Variants in CSNK1G1 observed in about 807,000 individuals in gnomAD.
The protein encoded by CSNK1G1 is casein kinase 1 gamma 1, also known as casein kinase I isoform gamma-1.
In CSNK1G1, 22 loss-of-function variants were observed where a neutral mutation model predicts 59.6. That is an observed-to-expected ratio of 0.37 (90% CI 0.26 to 0.53). The LOEUF (loss-of-function observed/expected upper bound fraction) is 0.53. Among genes scored for constraint, CSNK1G1 ranks in the 20% least tolerant of loss-of-function variants. The pLI is 0.89. For missense variants in CSNK1G1, 384 were observed against 519.5 expected (o/e 0.74, Z 2.54); for synonymous variants, 179 against 177.1 (o/e 1.01, Z -0.08).
At chr15:64,229,939 T>TTTTTTTTTTTTTTTTTTA in intron 4 of CSNK1G1, among the ~76,000 whole-genome samples, 1 of 121,544 alleles carries the variant, frequency 8.2e-6, no homozygotes, top group East Asian at 2.3e-4. Flanking sequence ...TTTTTTTTTT[T>TTTTTTTTTTTTTTTTTTA]AAGACAGAAT....
At position 64,216,787 on chromosome 15, in the gene CSNK1G1, C is replaced by A. The variant is rs2082317228; in HGVS notation, c.293-74G>T. 13 of 1,307,676 alleles carry A rather than the reference C, an allele frequency of 9.9e-6. No individual in the cohort carries two copies. Among genetic ancestry groups the A allele is most frequent in the South Asian group, 1.4e-5 (1 of 71,090 alleles). 81.0% of individuals were successfully genotyped at this position (1,307,676 alleles called of 1,614,324 possible). On this transcript the variant is annotated intron_variant, in intron 4 of 11. Transcript: ENST00000303052. The surrounding 1 kb of genome is among the most constrained non-coding windows in gnomAD (Gnocchi z 4.6). Reference sequence around the variant, plus strand: ...AAAATATGAGATAACAGTATTAGCACTGAATAAAATATTTTTAAAAGTACA... The same window carrying A: ...AAAATATGAGATAACAGTATTAGCAATGAATAAAATATTTTTAAAAGTACA...
rs553614661 is a variant in CSNK1G1, at chr15:64,166,338, GTTTATC to G, written c.*5587_*5592del. On this transcript the variant is annotated 3_prime_UTR_variant, in exon 12 of 12. Transcript: ENST00000303052. This position sits in a 1 kb window ranked among gnomAD's most constrained non-coding sequence, Gnocchi z 4.5. ...TTCCATTGGGGGGTATATATTTTTGGTTTATCTTTATCTTTTCTGCTGTTATTTTTT... is the reference window on the plus strand; with the variant it reads ...TTCCATTGGGGGGTATATATTTTTGGTTTATCTTTTCTGCTGTTATTTTTT... 24 of 246,082 alleles carry G rather than the reference GTTTATC, an allele frequency of 9.8e-5. 1 individual carries two copies. Among genetic ancestry groups the G allele is most frequent in the Middle Eastern group, 1.3e-3 (1 of 800 alleles). 15.2% of individuals were successfully genotyped at this position (246,082 alleles called of 1,614,324 possible).
At chr15:64,321,157 A>G (rs1363409181) in intron 1 of CSNK1G1, among the ~76,000 whole-genome samples, 1 of 152,166 alleles carries the variant, frequency 6.6e-6, no homozygotes, top group African/African-American at 2.4e-5. Flanking sequence ...TTCAAATGCA[A>G]AAAATAACAA....
In CSNK1G1 at chr15:64,330,654, T is replaced by C. The variant is rs556605151; in HGVS notation, c.-225+25334A>G. Among the ~76,000 whole-genome samples the C allele has an allele frequency of 3.8e-4, 34 of 89,756 alleles. 1 individual carries two copies. The South Asian group carries it at 0.014, about 38-fold the overall frequency. 58.9% of individuals were successfully genotyped at this position (89,756 alleles called of 152,430 possible). On this transcript the variant is annotated intron_variant, in intron 1 of 11. Coordinates refer to ENST00000303052, the MANE Select transcript of CSNK1G1 (RefSeq NM_022048.5). ...CCTCTCTCACTGCTCCTATTCAACA[T>C]AGTGTTGGAAGTTCTGGCCAGGGCA...
At chr15:64,209,755 C>A (rs940547012) in intron 6 of CSNK1G1, among the ~76,000 whole-genome samples, 17 of 148,542 alleles carry the variant, frequency 1.1e-4, no homozygotes, top group African/African-American at 4.2e-4. Flanking sequence ...AGGCCTCCCA[C>A]AAAGCAGGGC....
intron 10 of CSNK1G1, among the ~76,000 whole-genome samples, chr15:64,191,420 T>C (rs990784014): frequency 6.6e-6 from 1 of 152,148 alleles, no homozygotes; most frequent in African/African-American, 2.4e-5. Flanking sequence ...TCATGTATAC[T>C]CATGGGCTTT....
intron 4 of CSNK1G1, among the ~76,000 whole-genome samples, chr15:64,219,890 C>T (rs1336881931): frequency 7.9e-5 from 12 of 151,314 alleles, no homozygotes; most frequent in East Asian, 3.9e-4. Context: ...TCTCGTGCCT[C>T]GGCCTCCCAA....
At chr15:64,246,838 G>A (rs1396861934) in intron 4 of CSNK1G1, among the ~76,000 whole-genome samples, 5 of 151,956 alleles carry the variant, frequency 3.3e-5, no homozygotes, top group African/African-American at 4.8e-5. Flanking sequence ...TTATCCTGCC[G>A]TTTACCTACC....
intron 1 of CSNK1G1, among the ~76,000 whole-genome samples, chr15:64,305,715 C>CAAAAAAA (rs1895648191): frequency 9.3e-6 from 1 of 107,626 alleles, no homozygotes; most frequent in Non-Finnish European, 2.0e-5. Context: ...AAAACAAAAA[C>CAAAAAAA]AAAAACAAAA....
chr15:64,220,649 AT>A (rs1281888826), intron 4 of CSNK1G1, among the ~76,000 whole-genome samples: 1 of 151,716 alleles, frequency 6.6e-6, no homozygotes, highest in Non-Finnish European at 1.5e-5. Flanking sequence ...GACTCAGCTA[AT>A]TTTGTTTTTA....
chr15:64,292,691 G>A (rs946123351), intron 2 of CSNK1G1, among the ~76,000 whole-genome samples: 4 of 152,140 alleles, frequency 2.6e-5, no homozygotes, highest in South Asian at 4.1e-4. Flanking sequence ...TTGGGAGGCC[G>A]AGGTGGCTGG....
At chr15:64,291,437 A>C (rs1056856061) in intron 2 of CSNK1G1, among the ~76,000 whole-genome samples, 12 of 152,040 alleles carry the variant, frequency 7.9e-5, no homozygotes, top group African/African-American at 2.4e-4. Flanking sequence ...AAATACAAAA[A>C]ATTAGCTGGG....
chr15:64,309,852 A>T (rs1361664969), intron 1 of CSNK1G1, among the ~76,000 whole-genome samples: 1 of 152,152 alleles, frequency 6.6e-6, no homozygotes, highest in East Asian at 1.9e-4. Flanking sequence ...GCTCATGCCT[A>T]TAATCCTAGA....
intron 2 of CSNK1G1, among the ~76,000 whole-genome samples, chr15:64,262,077 G>A (rs368823966): frequency 6.6e-6 from 1 of 152,114 alleles, no homozygotes; most frequent in Non-Finnish European, 1.5e-5. Flanking sequence ...TTTTGCATGA[G>A]CATTGTGAGG....
At chr15:64,325,758 G>A (rs1263935826) in intron 1 of CSNK1G1, among the ~76,000 whole-genome samples, 3 of 152,116 alleles carry the variant, frequency 2.0e-5, no homozygotes, top group African/African-American at 7.2e-5. Context: ...ACTATCCTAT[G>A]AAAGAGGTAT....
At position 64,235,179 on chromosome 15, in the gene CSNK1G1, C is replaced by T. The variant is rs116053655; in HGVS notation, c.292+16333G>A. On this transcript the variant is annotated intron_variant, in intron 4 of 11. Coordinates refer to ENST00000303052, the MANE Select transcript of CSNK1G1 (RefSeq NM_022048.5). ...TGTTTTGTTCTAATCCCTAGATAGG[C>T]CTGTATATTTCCTATCTTGGTTTCA... is the stretch of plus-strand genomic sequence containing the variant. 3.9e-3 allele frequency among the ~76,000 whole-genome samples: 592 copies of T among 152,256 alleles called. 4 individuals carry two copies. The highest frequency in any genetic ancestry group is 0.014 in the African/African-American group (573 of 41,536).
chr15:64,301,448 C>T (rs1895334504), intron 1 of CSNK1G1, among the ~76,000 whole-genome samples: 1 of 151,404 alleles, frequency 6.6e-6, no homozygotes, highest in Non-Finnish European at 1.5e-5. Context: ...CTGAGCCCAA[C>T]ACAAATGTTT....
chr15:64,348,832 T>C (rs573042827), intron 1 of CSNK1G1, among the ~76,000 whole-genome samples: 79 of 152,234 alleles, frequency 5.2e-4, no homozygotes, highest in Non-Finnish European at 1.0e-3. Context: ...GAAATTAAAG[T>C]GTATTTTAAA....
rs371748352 is a variant in CSNK1G1 at position 64,346,629 on chromosome 15, TG to T, written c.-225+9358del. ...CACACCACCACACCCGGCTAATTTTTGTATTTTTAGTAGAAATGAGGTTTCA... is the reference window on the plus strand; with the variant it reads ...CACACCACCACACCCGGCTAATTTTTTATTTTTAGTAGAAATGAGGTTTCA... On this transcript the variant is annotated intron_variant, in intron 1 of 11. Transcript: ENST00000303052. Among the ~76,000 whole-genome samples the T allele has an allele frequency of 5.9e-4, 90 of 152,036 alleles. 1 individual carries two copies. In the East Asian group the frequency reaches 0.017, roughly 29 times the overall value.
Sources: gnomAD v4.1 joint callset for allele counts (sites outside exome capture counted in the v4.1 genomes callset) on GRCh38, gnomAD v4.1.1 for gene constraint, Gnocchi (gnomAD v3.1) non-coding constraint, MANE v1.5 for transcripts, NCBI Gene and HGNC (gene_info 2026-07-23, HGNC 2026-07-21) for gene names.